ST3GAL6: variants seen among roughly 807,000 people sequenced by gnomAD.
ST3GAL6 encodes ST3 beta-galactoside alpha-2,3-sialyltransferase 6.
ST3GAL6 carries 31 observed loss-of-function variants against 40.5 expected under a neutral mutation model. The ratio of observed to expected loss-of-function variants is 0.77; its 90% CI spans 0.58 to 1.03. ST3GAL6 has a LOEUF of 1.03. Ranked by LOEUF, ST3GAL6 falls within the 50% of genes least tolerant of loss-of-function variation. The pLI is 0.00. For synonymous variants in ST3GAL6, 129 were observed against 136.9 expected, an observed-to-expected ratio of 0.94 and a Z score of 0.40; for missense variants, 357 against 393.2, an observed-to-expected ratio of 0.91 and a Z score of 0.78.
chr3:98,764,253 T>C (rs1162239716), intron 1 of ST3GAL6, among the ~76,000 whole-genome samples: 1 of 152,158 alleles, frequency 6.6e-6, no homozygotes, highest in African/African-American at 2.4e-5. Flanking sequence ...CTGAACATGC[T>C]TTTTTCTAGC....
At chr3:98,764,369 ACAATGCTAG>A (rs1438100626) in intron 1 of ST3GAL6, among the ~76,000 whole-genome samples, 5 of 152,128 alleles carry the variant, frequency 3.3e-5, no homozygotes, top group African/African-American at 1.2e-4. Flanking sequence ...GTTTTTATAA[ACAATGCTAG>A]CATGGTTGGG....
At chr3:98,790,945 G>A (rs7612036) in intron 8 of ST3GAL6, among the ~76,000 whole-genome samples, 65,142 of 151,908 alleles carry the variant, frequency 0.43, 14,132 homozygotes, top group Non-Finnish European at 0.45. Context: ...TAATGCTTTC[G>A]GACAAGTTTG....
chr3:98,790,324 T>C (rs1444032674), intron 8 of ST3GAL6, among the ~76,000 whole-genome samples: 5 of 152,176 alleles, frequency 3.3e-5, no homozygotes, highest in Non-Finnish European at 1.5e-5. Flanking sequence ...GAAAAGTTGC[T>C]GAAGTTACAT....
intron 1 of ST3GAL6, among the ~76,000 whole-genome samples, chr3:98,733,165 C>T (rs1576007780): frequency 6.6e-6 from 1 of 152,218 alleles, no homozygotes; most frequent in Admixed American, 6.5e-5. Flanking sequence ...CATATCCTGC[C>T]AGCACCAAGG....
At chr3:98,781,352 T>C (rs1330295169) in intron 5 of ST3GAL6, among the ~76,000 whole-genome samples, 1 of 151,758 alleles carries the variant, frequency 6.6e-6, no homozygotes, top group African/African-American at 2.4e-5. Flanking sequence ...AGGGGAGGGA[T>C]AGCATTAGGA....
intron 1 of ST3GAL6, among the ~76,000 whole-genome samples, chr3:98,756,130 T>C (rs545620957): frequency 9.2e-5 from 14 of 152,336 alleles, no homozygotes; most frequent in South Asian, 2.1e-4. Context: ...TTAAGGAGAC[T>C]GAGCTGGGTC....
intron 5 of ST3GAL6, among the ~76,000 whole-genome samples, chr3:98,775,041 G>A (rs769413482): frequency 8.5e-5 from 13 of 152,130 alleles, no homozygotes; most frequent in Non-Finnish European, 1.3e-4. Flanking sequence ...TTTCACATAT[G>A]TGCTTTATGT....
chr3:98,785,754 T>C (rs986679560), intron 6 of ST3GAL6, among the ~76,000 whole-genome samples: 1 of 152,218 alleles, frequency 6.6e-6, no homozygotes, highest in Non-Finnish European at 1.5e-5. Context: ...GTCTTAAATA[T>C]TCTGGCTGTG....
intron 1 of ST3GAL6, among the ~76,000 whole-genome samples, chr3:98,764,623 C>T (rs913797186): frequency 1.3e-5 from 2 of 152,340 alleles, no homozygotes; most frequent in East Asian, 3.9e-4. Context: ...TAGTATAACG[C>T]ATGGCCTGTG....
At chr3:98,778,391 C>T (rs1382222242) in intron 5 of ST3GAL6, among the ~76,000 whole-genome samples, 2 of 152,202 alleles carry the variant, frequency 1.3e-5, no homozygotes, top group African/African-American at 4.8e-5. Context: ...AGAGTCCTAA[C>T]TCTAAACGGA....
chr3:98,762,707 C>G, upstream of ST3GAL6: 1 of 700,348 alleles, frequency 1.4e-6, no homozygotes, highest in Non-Finnish European at 1.8e-6. Context: ...GATTATTTAA[C>G]AGTTCATACT....
intron 4 of ST3GAL6, 150 bp downstream of exon 4, chr3:98,773,066 A>G (rs1169852844): frequency 1.9e-6 from 1 of 520,794 alleles, no homozygotes; most frequent in African/African-American, 1.9e-5. Flanking sequence ...AATGAATTAC[A>G]TTTTAAAATA....
intron 7 of ST3GAL6, 46 bp from the exon 8 acceptor site, chr3:98,788,280 A>C (rs1241182312): frequency 1.3e-6 from 2 of 1,586,906 alleles, no homozygotes; most frequent in Non-Finnish European, 1.7e-6. Context: ...TTTCCTTAAA[A>C]AACAGACAGC....
At chr3:98,770,648 G>A (rs1938875844) in intron 2 of ST3GAL6, 1 of 525,070 alleles carries the variant, frequency 1.9e-6, no homozygotes, top group Admixed American at 3.4e-5. Flanking sequence ...ATCACTTCTG[G>A]GTTGCTCATC....
intron 1 of ST3GAL6, among the ~76,000 whole-genome samples, chr3:98,764,141 C>T (rs2107124325): frequency 6.6e-6 from 1 of 152,240 alleles, no homozygotes; most frequent in African/African-American, 2.4e-5. Context: ...CTGAGATACC[C>T]ACCGGGTTTT....
At chr3:98,780,355 T>C (rs1939976790) in intron 5 of ST3GAL6, among the ~76,000 whole-genome samples, 2 of 152,186 alleles carry the variant, frequency 1.3e-5, no homozygotes, top group Non-Finnish European at 2.9e-5. Flanking sequence ...CTTTGCAATA[T>C]CCTTTACCAG....
At position 98,740,164 on chromosome 3, in the gene ST3GAL6, T is replaced by C. The variant is rs1559719289; in HGVS notation, c.-12+7632T>C. On this transcript the variant is annotated intron_variant, in intron 1 of 9. Coordinates refer to the ST3GAL6 transcript ENST00000265261. ...GTGTTTTCTGATCACCAAGTAACTA[T>C]AAATATTTTGCACACACTGAATTTT... is the stretch of plus-strand genomic sequence containing the variant. Among the ~76,000 whole-genome samples the C allele has an allele frequency of 2.0e-5, 3 of 151,744 alleles. 1 individual carries two copies. The highest frequency in any genetic ancestry group is 4.4e-5 in the Non-Finnish European group (3 of 67,972).
At chr3:98,762,320 T>C (rs939639633), upstream of ST3GAL6, among the ~76,000 whole-genome samples, 8 of 152,238 alleles carry the variant, frequency 5.3e-5, no homozygotes, top group African/African-American at 1.9e-4. Flanking sequence ...ACTACACAAC[T>C]CAATATTTTT....
intron 1 of ST3GAL6, 50 bp from the exon 2 acceptor site, chr3:98,768,380 T>C: frequency 3.7e-6 from 5 of 1,336,210 alleles, no homozygotes; most frequent in Non-Finnish European, 5.4e-6. Flanking sequence ...TGAAAATCCA[T>C]TTGTATAACA....
Sources: gnomAD v4.1 joint callset for allele counts (sites outside exome capture counted in the v4.1 genomes callset) on GRCh38, gnomAD v4.1.1 for gene constraint, MANE v1.5 for transcripts, NCBI Gene and HGNC (gene_info 2026-07-23, HGNC 2026-07-21) for gene names.